AGBL1: variants seen among roughly 807,000 people sequenced by gnomAD.
The protein encoded by AGBL1 is cytosolic carboxypeptidase 4.
In AGBL1, 130 loss-of-function variants were observed where a neutral mutation model predicts 118.9. That is an observed-to-expected ratio of 1.09 (90% CI 0.95 to 1.26). AGBL1 has a LOEUF of 1.26. Ranked by LOEUF, AGBL1 falls within the 50% of genes most tolerant of loss-of-function variation. AGBL1 has a pLI of 0.00. For synonymous variants in AGBL1, 555 were observed against 478.9 expected (o/e 1.16, Z -2.08); for missense variants, 1,584 against 1,298.1 (o/e 1.22, Z -3.38).
At chr15:86,208,587 A>T (rs1211437681) in intron 5 of AGBL1, among the ~76,000 whole-genome samples, 1 of 151,790 alleles carries the variant, frequency 6.6e-6, no homozygotes, top group Non-Finnish European at 1.5e-5. Flanking sequence ...TTTCTTCTAG[A>T]TTTTCTAGTT....
At chr15:86,797,175 A>G (rs1210859846) in intron 22 of AGBL1, among the ~76,000 whole-genome samples, 1 of 152,248 alleles carries the variant, frequency 6.6e-6, no homozygotes, top group Admixed American at 6.5e-5. Context: ...GGCACATAGT[A>G]GTATTCACTC....
At chr15:86,416,036 G>C (rs1457582531) in intron 18 of AGBL1, among the ~76,000 whole-genome samples, 1 of 151,952 alleles carries the variant, frequency 6.6e-6, no homozygotes, top group Non-Finnish European at 1.5e-5. Context: ...TTTCTGCTGT[G>C]TTCTTTACCT....
chr15:86,496,430 T>A (rs1235609833), intron 18 of AGBL1, among the ~76,000 whole-genome samples: 1 of 152,088 alleles, frequency 6.6e-6, no homozygotes, highest in Admixed American at 6.6e-5. Flanking sequence ...TCTGATAATC[T>A]GTTTTAAGTA....
At chr15:86,543,480 T>C (rs2083533343) in intron 19 of AGBL1, among the ~76,000 whole-genome samples, 1 of 152,238 alleles carries the variant, frequency 6.6e-6, no homozygotes, top group East Asian at 1.9e-4. Context: ...ATTCTTTTAA[T>C]GTTTTGATTC....
At chr15:86,526,767 A>T (rs1320877833) in intron 19 of AGBL1, among the ~76,000 whole-genome samples, 1 of 151,898 alleles carries the variant, frequency 6.6e-6, no homozygotes, top group African/African-American at 2.4e-5. Flanking sequence ...CCAGGAATGA[A>T]ATATCACATG....
At chr15:86,673,337 C>T (rs915776424) in intron 21 of AGBL1, among the ~76,000 whole-genome samples, 2 of 152,164 alleles carry the variant, frequency 1.3e-5, no homozygotes, top group African/African-American at 2.4e-5. Context: ...CAAGACCACA[C>T]ATTTAGAAAC....
At position 86,402,043 on chromosome 15, in the gene AGBL1, A is replaced by G. The variant is rs571278009; in HGVS notation, c.2555+4497A>G. ...GAGTCTGTAGACTGCTTTTGGCAGC[A>G]TGGTTATTTTCACAATATTGACTCT... On this transcript the variant is annotated intron_variant, in intron 18 of 22. Coordinates refer to ENST00000614907, the MANE Select transcript of AGBL1 (RefSeq NM_001386094.1). Among the ~76,000 whole-genome samples the G allele has an allele frequency of 1.5e-3, 234 of 152,112 alleles. 6 individuals carry two copies. In the South Asian group the frequency reaches 0.046, roughly 30 times the overall value.
intron 22 of AGBL1, among the ~76,000 whole-genome samples, chr15:86,695,119 G>A (rs929898638): frequency 3.7e-4 from 56 of 151,924 alleles, no homozygotes; most frequent in Admixed American, 1.1e-3. Context: ...TGATGATTTA[G>A]GGAGGATTTC....
chr15:86,721,826 A>C (rs138788395), intron 22 of AGBL1, among the ~76,000 whole-genome samples: 1 of 151,980 alleles, frequency 6.6e-6, no homozygotes, highest in Non-Finnish European at 1.5e-5. Context: ...TACAAAATCA[A>C]TGTACAAAAA....
chr15:86,555,454 A>G (rs769156772), intron 21 of AGBL1, among the ~76,000 whole-genome samples: 7 of 152,198 alleles, frequency 4.6e-5, no homozygotes, highest in African/African-American at 9.6e-5. Flanking sequence ...CAGGCAATGC[A>G]CATTATCTAA....
intron 21 of AGBL1, among the ~76,000 whole-genome samples, chr15:86,606,349 G>C (rs1397192960): frequency 6.6e-6 from 1 of 152,024 alleles, no homozygotes; most frequent in African/African-American, 2.4e-5. Flanking sequence ...CAACAGTATA[G>C]AGTTTTCTGC....
intron 18 of AGBL1, among the ~76,000 whole-genome samples, chr15:86,496,808 C>T (rs1344666138): frequency 6.6e-6 from 1 of 151,934 alleles, no homozygotes; most frequent in Non-Finnish European, 1.5e-5. Flanking sequence ...ATGTAACTGT[C>T]ATACAAGAAA....
chr15:86,580,442 G>A (rs907925611), intron 21 of AGBL1, among the ~76,000 whole-genome samples: 11 of 151,916 alleles, frequency 7.2e-5, no homozygotes, highest in Admixed American at 6.6e-4. Flanking sequence ...GACCATAAAT[G>A]TATGAATTTA....
intron 22 of AGBL1, among the ~76,000 whole-genome samples, chr15:86,707,281 A>C (rs527555776): frequency 6.6e-6 from 1 of 152,328 alleles, no homozygotes; most frequent in African/African-American, 2.4e-5. Context: ...ATTGGAATAA[A>C]AATAAATCCA....
At chr15:86,153,407 A>G (rs1024598256) in intron 3 of AGBL1, among the ~76,000 whole-genome samples, 1 of 152,146 alleles carries the variant, frequency 6.6e-6, no homozygotes, top group African/African-American at 2.4e-5. Context: ...AAACTGTCAC[A>G]AGGACAGAAA....
At chr15:86,864,286 G>T (rs2079596407) in intron 22 of AGBL1, among the ~76,000 whole-genome samples, 1 of 152,144 alleles carries the variant, frequency 6.6e-6, no homozygotes, top group African/African-American at 2.4e-5. Flanking sequence ...CTGATTTCTA[G>T]TTATTTTTCC....
In AGBL1 at chr15:86,746,141, C is replaced by A. The variant is rs147982502; in HGVS notation, c.3158+71705C>A. ...TGAAGTCTGTTCACCACACTGTAGC[C>A]CAAGAGAGTTTTCACAACACACCTG... On this transcript the variant is annotated intron_variant, in intron 22 of 22. Transcript: ENST00000614907. Among the ~76,000 whole-genome samples the A allele has an allele frequency of 4.7e-3, 719 of 152,086 alleles. 7 individuals are homozygous for A. Among genetic ancestry groups the A allele is most frequent in the African/African-American group, 0.016 (674 of 41,506 alleles).
At chr15:86,780,800 T>C (rs2078325924) in intron 22 of AGBL1, among the ~76,000 whole-genome samples, 1 of 151,956 alleles carries the variant, frequency 6.6e-6, no homozygotes, top group Non-Finnish European at 1.5e-5. Flanking sequence ...CCCGAGTAGC[T>C]GGGATTACAG....
rs557080976 is a variant in AGBL1, at chr15:86,501,065, G to A, written c.2556-21745G>A. On this transcript the variant is annotated intron_variant, in intron 18 of 22. Transcript: ENST00000614907. ...GTGCTGGGTCATATGGGGACTATAT[G>A]TTTGACACTTTAAGGAACTACAAAC... is the stretch of plus-strand genomic sequence containing the variant. Among the ~76,000 whole-genome samples the A allele has an allele frequency of 5.3e-5, 8 of 150,644 alleles. No individual in the cohort carries two copies. In the East Asian group the frequency reaches 1.5e-3, roughly 29 times the overall value.
Sources: gnomAD v4.1 joint callset for allele counts (sites outside exome capture counted in the v4.1 genomes callset) on GRCh38, gnomAD v4.1.1 for gene constraint, MANE v1.5 for transcripts, NCBI Gene and HGNC (gene_info 2026-07-23, HGNC 2026-07-21) for gene names.